The following NUP88 variants were observed in gnomAD, a reference collection of about 807,000 sequenced individuals.
NUP88 encodes the protein nuclear pore complex protein Nup88.
A neutral mutation model predicts 93.9 loss-of-function variants in NUP88; 57 were observed. The observed-to-expected ratio is 0.61, with a 90% CI of 0.49 to 0.76. The LOEUF (loss-of-function observed/expected upper bound fraction) is 0.76. Ranked by LOEUF, NUP88 falls within the 30% of genes least tolerant of loss-of-function variation. The probability of loss-of-function intolerance (pLI) is 0.00; values close to 1 mark genes in which losing one functional copy is unlikely to be tolerated. For synonymous variants in NUP88, 346 were observed against 336.8 expected (o/e 1.03, Z -0.30); for missense variants, 911 against 901.0 (o/e 1.01, Z -0.14).
chr17:5,398,738 G>A (rs1597321455), intron 8 of NUP88, among the ~76,000 whole-genome samples: 1 of 151,702 alleles, frequency 6.6e-6, no homozygotes, highest in Non-Finnish European at 1.5e-5. Context: ...ACAGGTGTGT[G>A]CCACCACACC....
In NUP88 at chr17:5,416,821, T is replaced by C. The variant is rs1394846462; in HGVS notation, c.298-139A>G. The stretch of plus-strand genomic sequence containing the variant: ...TGGATAAGTACTCACACTTGTACCA[T>C]TAACTCACAAATTTTTTTTTTTTTT... On this transcript the variant is annotated intron_variant, in intron 1 of 16. Transcript: ENST00000573584. 1.4e-5 allele frequency: 9 copies of C among 642,784 alleles called. No homozygotes were observed. The South Asian group carries it at 2.0e-4, about 14-fold the overall frequency. 39.8% of individuals were successfully genotyped at this position (642,784 alleles called of 1,614,324 possible). A position where few individuals can be genotyped will look rare whatever the true frequency, so the allele number is the denominator to read the frequency against.
chr17:5,387,711 G>A, intron 12 of NUP88, 41 bp from the exon 13 acceptor site: 1 of 1,608,050 alleles, frequency 6.2e-7, no homozygotes, highest in Non-Finnish European at 8.5e-7. Context: ...CAGAAGCCAG[G>A]TCTAGGCTAC....
In NUP88 at chr17:5,415,342, C is replaced by CGT. The variant is rs1411508370; in HGVS notation, c.467+1169_467+1170dup. Reference sequence around the variant, plus strand: ...GCTCCAAATTATAGCATATTTCATACGTATATATACATTTTAGGATGGTTT... The same window carrying CGT: ...GCTCCAAATTATAGCATATTTCATACGTGTATATATACATTTTAGGATGGTTT... On this transcript the variant is annotated intron_variant, in intron 2 of 16. Transcript: ENST00000573584. 7.2e-5 allele frequency among the ~76,000 whole-genome samples: 11 copies of CGT among 152,192 alleles called. 1 individual carries two copies. The highest frequency in any genetic ancestry group is 1.7e-4 in the African/African-American group (7 of 41,530).
chr17:5,388,563 C>G (rs910658875), intron 11 of NUP88: 12 of 370,748 alleles, frequency 3.2e-5, no homozygotes, highest in Non-Finnish European at 5.3e-5. Flanking sequence ...GCTGAGATTA[C>G]AGGTGTGAGC....
Position 5,419,607 on chromosome 17 carries a change from T to G in NUP88, c.44A>C (p.Gln15Pro). 1.9e-6 allele frequency: 3 copies of G among 1,600,476 alleles called. No individual in the cohort carries two copies. The highest frequency in any genetic ancestry group is 1.1e-5 in the South Asian group (1 of 90,958). ...EGPVGDGELW[Q>P]TWLPNHVVFL... is the part of the protein sequence containing the mutation. ...CACGACGTGGTTAGGAAGCCAGGTC[T>G]GCCACAGCTCGCCGTCGCCCACCGG... The change falls in exon 1 of 17, where the codon CAG becomes CCG. Residue 15 changes from glutamine to proline, a missense_variant. Transcript: ENST00000573584.
chr17:5,389,073 T>C (rs1005123927), intron 10 of NUP88, 113 bp from the exon 11 acceptor site: 28 of 810,894 alleles, frequency 3.5e-5, no homozygotes, highest in Non-Finnish European at 4.7e-5. Flanking sequence ...AGTGTAACTT[T>C]TGTAAAAGTG....
chr17:5,399,190 CTTTTTTTT>C (rs536801907), intron 8 of NUP88, among the ~76,000 whole-genome samples: 2 of 123,458 alleles, frequency 1.6e-5, no homozygotes, highest in Non-Finnish European at 3.3e-5. Context: ...CGCACCCGGC[CTTTTTTTT>C]TTTTTTTTTT....
chr17:5,404,762 GA>G (rs905376903), intron 6 of NUP88, among the ~76,000 whole-genome samples: 179 of 152,248 alleles, frequency 1.2e-3, no homozygotes, highest in Non-Finnish European at 6.3e-4. Flanking sequence ...AGATGTTTGT[GA>G]AAAAAGCCAA....
rs1359206967 is a variant in NUP88, at chr17:5,404,159, C to A, written c.1132G>T (p.Ala378Ser). 1.2e-6 allele frequency: 2 copies of A among 1,614,056 alleles called. No homozygotes were observed. The highest frequency in any genetic ancestry group is 1.3e-5 in the African/African-American group (1 of 75,032). Residue 378 changes from alanine (A) to serine (S), a missense_variant, in exon 7 of 17, where the codon GCA becomes TCA. By Grantham distance (99) the Ala-to-Ser change is moderately conservative. Coordinates refer to ENST00000573584, the MANE Select transcript of NUP88 (RefSeq NM_002532.6). ...TCAAAAGGGTCATCCTCTCCAGATGCCAGTTTCAAAGCAAGCTCCAACTCA... is the reference window on the plus strand; with the variant it reads ...TCAAAAGGGTCATCCTCTCCAGATGACAGTTTCAAAGCAAGCTCCAACTCA... ...CVELELALKL[A>S]SGEDDPFDSD...
At position 5,388,307 on chromosome 17, in the gene NUP88, G is replaced by C; in HGVS notation, c.1644-403C>G. The C allele has an allele frequency of 1.5e-5, 2 of 133,304 alleles. 1 individual carries two copies. The highest frequency in any genetic ancestry group is 4.7e-4 in the South Asian group (2 of 4,282). The allele number at this position is 133,304 out of a possible 1,614,324, so 8.3% of individuals were successfully genotyped here. On this transcript the variant is annotated intron_variant, in intron 11 of 16. Coordinates refer to ENST00000573584, the MANE Select transcript of NUP88 (RefSeq NM_002532.6). The stretch of plus-strand genomic sequence containing the variant: ...TAAGCCACCGTGCCCAGCCTAACTT[G>C]AGACGAGTCTCACTGTCGCCCAGGC...
chr17:5,396,055 A>T (rs1220736769), intron 8 of NUP88, among the ~76,000 whole-genome samples: 1 of 152,010 alleles, frequency 6.6e-6, no homozygotes, highest in Non-Finnish European at 1.5e-5. Flanking sequence ...TACTAAAAAC[A>T]CAAAAATTAG....
intron 10 of NUP88, among the ~76,000 whole-genome samples, chr17:5,390,311 G>A (rs954590026): frequency 6.6e-6 from 1 of 152,138 alleles, no homozygotes; most frequent in Non-Finnish European, 1.5e-5. Context: ...GTAACTTACA[G>A]GTAATTTTTT....
At chr17:5,386,882 T>C (rs1912027294) in intron 15 of NUP88, 56 bp from the exon 16 acceptor site, 1 of 1,577,504 alleles carries the variant, frequency 6.3e-7, no homozygotes. Context: ...ATTTTCACAG[T>C]ATCTATTTGA....
chr17:5,419,424 C>A lies in NUP88; in HGVS notation c.227G>T (p.Ser76Ile). ...CCGAAGGCGAACGACTAAGAAGGAG[C>A]TGTCTTCTCCGTCCCACAGGAAAAG... Reference protein sequence around the residue: ...GELFLWDGEDSSFLVVRLRGP... With the variant: ...GELFLWDGEDISFLVVRLRGP... The change falls in exon 1 of 17, where the codon AGC becomes ATC. Residue 76 changes from serine to isoleucine, a missense_variant. Ser to Ile is a moderately radical substitution (Grantham distance 142). Coordinates refer to ENST00000573584, the MANE Select transcript of NUP88 (RefSeq NM_002532.6). 1 of 1,613,666 alleles carries A rather than the reference C, an allele frequency of 6.2e-7. No individual in the cohort carries two copies. The highest frequency in any genetic ancestry group is 8.5e-7 in the Non-Finnish European group (1 of 1,179,746).
intron 16 of NUP88, 68 bp downstream of exon 16, chr17:5,386,640 G>C: frequency 9.5e-7 from 1 of 1,055,756 alleles, no homozygotes. Context: ...ATTAAGACAG[G>C]TTGATTCTGG....
In NUP88 at chr17:5,413,927, G is replaced by A. The variant is rs927648274; in HGVS notation, c.593+82C>T. On this transcript the variant is annotated intron_variant, in intron 3 of 16. Coordinates refer to ENST00000573584, the MANE Select transcript of NUP88 (RefSeq NM_002532.6). ...ACTGACTCATTCAATGACTCACTTC[G>A]TTCTATGTTGAGCTGTTAATTGGCA... 82 of 1,457,178 alleles carry A rather than the reference G, an allele frequency of 5.6e-5. No homozygotes were observed. In the East Asian group the frequency reaches 6.8e-4, roughly 12 times the overall value. The allele number at this position is 1,457,178 out of a possible 1,614,324, so 90.3% of individuals were successfully genotyped here.
intron 2 of NUP88, among the ~76,000 whole-genome samples, chr17:5,416,178 T>C (rs866548139): frequency 1.4e-5 from 1 of 73,604 alleles, no homozygotes; most frequent in Non-Finnish European, 2.4e-5. Flanking sequence ...TATATATATA[T>C]ATACACACAT....
chr17:5,400,444 C>T (rs1913084955), intron 7 of NUP88, among the ~76,000 whole-genome samples: 1 of 146,486 alleles, frequency 6.8e-6, no homozygotes, highest in Admixed American at 7.2e-5. Flanking sequence ...TGCAGTGAGC[C>T]GAGATTGCGC....
intron 9 of NUP88, among the ~76,000 whole-genome samples, chr17:5,392,018 CA>C (rs1912470757): frequency 6.6e-6 from 1 of 152,232 alleles, no homozygotes; most frequent in South Asian, 2.1e-4. Context: ...GTTGAATGAA[CA>C]GAACTACCGA....
Sources: gnomAD v4.1 joint callset for allele counts (sites outside exome capture counted in the v4.1 genomes callset) on GRCh38, gnomAD v4.1.1 for gene constraint, MANE v1.5 for transcripts, NCBI Gene and HGNC (gene_info 2026-07-23, HGNC 2026-07-21) for gene names.